MAP9: variants seen among roughly 807,000 people sequenced by gnomAD.
MAP9 encodes microtubule-associated protein 9.
In MAP9, 80 loss-of-function variants were observed where a neutral mutation model predicts 75.2. The observed-to-expected ratio is 1.06, with a 90% CI of 0.89 to 1.28. MAP9 has a LOEUF of 1.28. Among genes scored for constraint, MAP9 ranks in the 50% most tolerant of loss-of-function variants. The probability of loss-of-function intolerance (pLI) is 0.00; values close to 1 mark genes in which losing one functional copy is unlikely to be tolerated. For missense variants in MAP9, 753 were observed against 719.9 expected, an observed-to-expected ratio of 1.05 and a Z score of -0.53; for synonymous variants, 235 against 237.3, an observed-to-expected ratio of 0.99 and a Z score of 0.09.
At chr4:155,368,405 C>A (rs1732423487) in intron 5 of MAP9, 181 bp downstream of exon 5, 8 of 625,028 alleles carry the variant, frequency 1.3e-5, no homozygotes, top group Non-Finnish European at 2.3e-5. Flanking sequence ...ACAATTGATG[C>A]AGTTTTAGAC....
chr4:155,361,707 G>T (rs1272098141), intron 6 of MAP9, among the ~76,000 whole-genome samples: 1 of 151,970 alleles, frequency 6.6e-6, no homozygotes, highest in African/African-American at 2.4e-5. Flanking sequence ...CTATTATGTT[G>T]TCCTGCAGAA....
intron 13 of MAP9, 62 bp from the exon 14 acceptor site, chr4:155,347,967 G>A (rs1157618301): frequency 1.9e-6 from 2 of 1,075,582 alleles, no homozygotes; most frequent in Admixed American, 2.6e-5. Context: ...TTCAAATCAG[G>A]TTGCTTGCTG....
At chr4:155,363,603 A>G (rs1732189544) in intron 5 of MAP9, among the ~76,000 whole-genome samples, 1 of 152,166 alleles carries the variant, frequency 6.6e-6, no homozygotes, top group Non-Finnish European at 1.5e-5. Flanking sequence ...AGAAAATCTG[A>G]AGTTGAACAC....
chr4:155,354,925 G>A (rs1731698028), intron 10 of MAP9, 146 bp downstream of exon 10: 2 of 451,052 alleles, frequency 4.4e-6, no homozygotes, highest in South Asian at 7.1e-5. Flanking sequence ...AATGTATAAA[G>A]TAAAACAGAA....
chr4:155,376,030 A>G (rs761313096), intron 1 of MAP9, 116 bp from the exon 2 acceptor site: 26 of 431,860 alleles, frequency 6.0e-5, no homozygotes, highest in Non-Finnish European at 9.5e-5. Context: ...ATTGGGCTAC[A>G]TCTTCACTTA....
intron 4 of MAP9, among the ~76,000 whole-genome samples, chr4:155,371,560 T>C (rs1471506472): frequency 6.6e-6 from 1 of 151,950 alleles, no homozygotes; most frequent in African/African-American, 2.4e-5. Context: ...AAGCGCTTTT[T>C]TTGGTAATCA....
rs1560797058 is a variant in MAP9 at position 155,344,774 on chromosome 4, T to A, written c.*3009A>T. ...AATAGCATTACCACTTTCTTCATTA[T>A]TATGAAATTTAAATTCTGTATACTA... On this transcript the variant is annotated 3_prime_UTR_variant, in exon 14 of 14. Transcript: ENST00000311277. 1 of 151,980 alleles carries A rather than the reference T, an allele frequency of 6.6e-6. No homozygotes were observed. The highest frequency in any genetic ancestry group is 1.5e-5 in the Non-Finnish European group (1 of 67,892). The allele number at this position is 151,980 out of a possible 1,614,324, so 9.4% of individuals were successfully genotyped here.
At chr4:155,357,377 AT>A (rs760897132) in intron 8 of MAP9, 71 bp downstream of exon 8, 2 of 963,686 alleles carry the variant, frequency 2.1e-6, no homozygotes, top group Non-Finnish European at 3.4e-6. Flanking sequence ...AATTTACTTT[AT>A]GAAAGTTAAA....
intron 5 of MAP9, chr4:155,363,289 T>C (rs1263411040): frequency 2.6e-5 from 4 of 152,124 alleles, no homozygotes; most frequent in African/African-American, 9.7e-5. Context: ...ATCCACTTGC[T>C]AGAAAATATG....
chr4:155,373,311 G>C lies in MAP9; in HGVS notation c.306C>G (p.Thr102=), dbSNP rs370176963. The C allele has an allele frequency of 1.2e-6, 2 of 1,613,496 alleles. No individual in the cohort carries two copies. The highest frequency in any genetic ancestry group is 1.7e-6 in the Non-Finnish European group (2 of 1,179,830). ...LKTNKSNGNI[T]KDEPVCAIKN... ...TGATGGCACACACTGGCTCATCTTT[G>C]GTTATGTTACCGTTTGATTTATTGG... is the stretch of plus-strand genomic sequence containing the variant. Residue 102 remains threonine, a synonymous_variant, in exon 4 of 14, where the codon ACC becomes ACG. Coordinates refer to ENST00000311277, the MANE Select transcript of MAP9 (RefSeq NM_001039580.2).
At position 155,366,643 on chromosome 4, in the gene MAP9, T is replaced by C. The variant is rs549382464; in HGVS notation, c.708+1943A>G. Among the ~76,000 whole-genome samples the C allele has an allele frequency of 9.2e-5, 14 of 152,326 alleles. No individual in the cohort carries two copies. The South Asian group carries it at 2.5e-3, about 27-fold the overall frequency. The stretch of plus-strand genomic sequence containing the variant: ...TGTTAGAAATAAAAATGAAATGTCA[T>C]GATAATCCTAGTCATCAAAAGAATG... On this transcript the variant is annotated intron_variant, in intron 5 of 13. Transcript: ENST00000311277.
intron 5 of MAP9, chr4:155,367,457 T>C (rs12650973): frequency 0.32 from 48,290 of 152,136 alleles, 8,553 homozygotes; most frequent in East Asian, 0.63. Flanking sequence ...ACCTTGATCT[T>C]GGACTTCTGA....
In MAP9 at chr4:155,359,227, A is replaced by ACACG. The variant is rs1431305964; in HGVS notation, c.1050+940_1050+941insCGTG. ...AATGTGTATACACACACACACACAC[A>ACACG]CACACACACACACACACACAGGAAT... On this transcript the variant is annotated intron_variant, in intron 7 of 13. Coordinates refer to ENST00000311277, the MANE Select transcript of MAP9 (RefSeq NM_001039580.2). Among the ~76,000 whole-genome samples, 17 of 151,778 alleles carry ACACG rather than the reference A, an allele frequency of 1.1e-4. No individual in the cohort carries two copies. In the East Asian group the frequency reaches 3.1e-3, roughly 28 times the overall value.
In MAP9 at chr4:155,346,191, C is replaced by T. The variant is rs917394614; in HGVS notation, c.*1592G>A. Reference sequence around the variant, plus strand: ...TGTGGAACGTCTGGAGTGATCATCTCAAAGCCTTTGTCACATAACTTGCTG... The same window carrying T: ...TGTGGAACGTCTGGAGTGATCATCTTAAAGCCTTTGTCACATAACTTGCTG... On this transcript the variant is annotated 3_prime_UTR_variant, in exon 14 of 14. Coordinates refer to ENST00000311277, the MANE Select transcript of MAP9 (RefSeq NM_001039580.2). The T allele has an allele frequency of 3.9e-5, 6 of 152,142 alleles. No homozygotes were observed. Among genetic ancestry groups the T allele is most frequent in the Non-Finnish European group, 8.8e-5 (6 of 68,028 alleles). The allele number at this position is 152,142 out of a possible 1,614,324, so 9.4% of individuals were successfully genotyped here. A position where few individuals can be genotyped will look rare whatever the true frequency, so the allele number is the denominator to read the frequency against.
In MAP9 at chr4:155,368,396, C is replaced by T. The variant is rs540261630; in HGVS notation, c.708+190G>A. 6.4e-6 allele frequency: 4 copies of T among 622,226 alleles called. No homozygotes were observed. In the African/African-American group the frequency reaches 7.4e-5, roughly 11 times the overall value. The allele number at this position is 622,226 out of a possible 1,614,324, so 38.5% of individuals were successfully genotyped here. A position where few individuals can be genotyped will look rare whatever the true frequency, so the allele number is the denominator to read the frequency against. On this transcript the variant is annotated intron_variant, in intron 5 of 13. Coordinates refer to ENST00000311277, the MANE Select transcript of MAP9 (RefSeq NM_001039580.2). ...GTATGTAAAATAATGCTACGTCTTA[C>T]AATTGATGCAGTTTTAGACTCGGTG...
At position 155,362,202 on chromosome 4, in the gene MAP9, C is replaced by T. The variant is rs1006334141; in HGVS notation, c.709-61G>A. On this transcript the variant is annotated intron_variant, in intron 5 of 13. Coordinates refer to ENST00000311277, the MANE Select transcript of MAP9 (RefSeq NM_001039580.2). ...GTTTAATAATTAACATTTATGGGAA[C>T]AATAGCATTATTAAAACTACAAATT... The T allele has an allele frequency of 3.1e-6, 3 of 978,302 alleles. No individual in the cohort carries two copies. In the African/African-American group the frequency reaches 5.1e-5, roughly 16 times the overall value. 60.6% of individuals were successfully genotyped at this position (978,302 alleles called of 1,614,324 possible). A position where few individuals can be genotyped will look rare whatever the true frequency, so the allele number is the denominator to read the frequency against.
At position 155,343,261 on chromosome 4, in the gene MAP9, GAGAC is replaced by G. The variant is rs1731175303; in HGVS notation, c.*4518_*4521del. 7.1e-6 allele frequency: 1 copy of G among 140,318 alleles called. No individual in the cohort carries two copies. Among genetic ancestry groups the G allele is most frequent in the Non-Finnish European group, 1.6e-5 (1 of 61,896 alleles). The allele number at this position is 140,318 out of a possible 1,614,324, so 8.7% of individuals were successfully genotyped here. On this transcript the variant is annotated 3_prime_UTR_variant, in exon 14 of 14. Transcript: ENST00000311277. The stretch of plus-strand genomic sequence containing the variant: ...ATATACACACAGATAGCACAGGAGA[GAGAC>G]AGAGTGGGAGAGAGAAAGAGGAGGG...
intron 5 of MAP9, 175 bp downstream of exon 5, chr4:155,368,411 T>C (rs565201387): frequency 6.3e-5 from 40 of 634,960 alleles, no homozygotes; most frequent in Non-Finnish European, 9.6e-5. Context: ...GATGCAGTTT[T>C]AGACTCGGTG....
At chr4:155,361,974 A>G (rs1234455842) in intron 6 of MAP9, 74 bp downstream of exon 6, 3 of 864,602 alleles carry the variant, frequency 3.5e-6, no homozygotes, top group Non-Finnish European at 3.7e-6. Context: ...TATACAAAGT[A>G]TTATTTCTCT....
Sources: gnomAD v4.1 joint callset for allele counts (sites outside exome capture counted in the v4.1 genomes callset) on GRCh38, gnomAD v4.1.1 for gene constraint, MANE v1.5 for transcripts, NCBI Gene and HGNC (gene_info 2026-07-23, HGNC 2026-07-21) for gene names.